SOX5: variants seen among roughly 807,000 people sequenced by gnomAD.
SOX5 encodes SRY-box transcription factor 5.
Under a neutral mutation model 92.0 loss-of-function variants are expected in SOX5, and 9 were observed. The observed-to-expected ratio is 0.10, with a 90% confidence interval of 0.06 to 0.17. The LOEUF (loss-of-function observed/expected upper bound fraction) is 0.17, where lower values mean the gene tolerates loss of function less well. SOX5 is among the 10% of genes least tolerant of loss of function. The pLI, the probability that SOX5 is intolerant of heterozygous loss-of-function variation, is 1.00. For missense variants in SOX5, 642 were observed against 944.5 expected (o/e 0.68, Z 4.20); for synonymous variants, 344 against 336.3 (o/e 1.02, Z -0.25).
intron 1 of SOX5, among the ~76,000 whole-genome samples, chr12:23,898,650 A>G (rs555715664): frequency 9.8e-5 from 15 of 152,342 alleles, no homozygotes; most frequent in Non-Finnish European, 2.2e-4. Flanking sequence ...TTTCTATTTA[A>G]CTGAGTGTGT....
chr12:24,069,379 A>G (rs1941409946), intron 4 of SOX5, among the ~76,000 whole-genome samples: 1 of 152,236 alleles, frequency 6.6e-6, no homozygotes, highest in African/African-American at 2.4e-5. Flanking sequence ...TAAAAGAAAT[A>G]GCTTTTCTTA....
intron 8 of SOX5, among the ~76,000 whole-genome samples, chr12:23,621,269 A>G (rs748059694): frequency 6.6e-6 from 1 of 152,060 alleles, no homozygotes; most frequent in Non-Finnish European, 1.5e-5. Context: ...AGAAAGTAGA[A>G]TAGAGCTTAT....
chr12:23,593,724 A>C (rs1266559242), intron 9 of SOX5, among the ~76,000 whole-genome samples: 1 of 152,132 alleles, frequency 6.6e-6, no homozygotes, highest in African/African-American at 2.4e-5. Flanking sequence ...ATTTAAATAA[A>C]TTTTATAAAA....
At chr12:23,761,805 C>T (rs2094570490) in intron 3 of SOX5, among the ~76,000 whole-genome samples, 1 of 152,030 alleles carries the variant, frequency 6.6e-6, no homozygotes, top group Admixed American at 6.6e-5. Flanking sequence ...GTATTATTAA[C>T]TCGATAATCT....
intron 3 of SOX5, among the ~76,000 whole-genome samples, chr12:23,799,395 T>A (rs1282065725): frequency 2.0e-5 from 3 of 152,080 alleles, no homozygotes; most frequent in Admixed American, 1.3e-4. Flanking sequence ...AAACACTATA[T>A]CCTTTCTCCC....
intron 7 of SOX5, among the ~76,000 whole-genome samples, chr12:23,652,943 G>T (rs11047026): frequency 6.6e-6 from 1 of 151,710 alleles, no homozygotes; most frequent in Non-Finnish European, 1.5e-5. Flanking sequence ...GGCTGAAAAT[G>T]TAACAGGGAA....
intron 4 of SOX5, among the ~76,000 whole-genome samples, chr12:24,072,502 T>C (rs547447031): frequency 2.0e-5 from 3 of 152,192 alleles, no homozygotes; most frequent in Non-Finnish European, 2.9e-5. Flanking sequence ...CATAATAAGC[T>C]CACAGATTTG....
chr12:24,562,017 T>G (rs561903535), intron 1 of SOX5, among the ~76,000 whole-genome samples: 1 of 152,300 alleles, frequency 6.6e-6, no homozygotes, highest in South Asian at 2.1e-4. Flanking sequence ...AAATAGAAAG[T>G]TATCCCGTCT....
chr12:24,070,597 A>C lies in SOX5; in HGVS notation c.-2+142746T>G, dbSNP rs529895666. ...TATTTATTGTTTTTTAAAAAAAAAA[A>C]CTACTGTAAAGGACTGATATTTTAA... is the stretch of plus-strand genomic sequence containing the variant. On this transcript the variant is annotated intron_variant, in intron 4 of 4. Coordinates refer to the SOX5 transcript ENST00000446891. Among the ~76,000 whole-genome samples the C allele has an allele frequency of 2.0e-3, 312 of 152,226 alleles. 2 individuals carry two copies. Among genetic ancestry groups the C allele is most frequent in the Non-Finnish European group, 3.5e-3 (241 of 68,008 alleles).
At chr12:23,747,359 T>C (rs1039588240) in intron 4 of SOX5, among the ~76,000 whole-genome samples, 2 of 152,126 alleles carry the variant, frequency 1.3e-5, no homozygotes, top group Non-Finnish European at 2.9e-5. Context: ...CAAACAAACG[T>C]TCATAGTTAT....
intron 1 of SOX5, among the ~76,000 whole-genome samples, chr12:23,906,751 T>G (rs2097297522): frequency 6.6e-6 from 1 of 152,186 alleles, no homozygotes; most frequent in Non-Finnish European, 1.5e-5. Context: ...AGCCCCATAT[T>G]TAATATAAGT....
At chr12:24,019,829 A>T (rs1318491745) in intron 4 of SOX5, among the ~76,000 whole-genome samples, 1 of 152,194 alleles carries the variant, frequency 6.6e-6, no homozygotes, top group Non-Finnish European at 1.5e-5. Flanking sequence ...ACATCATTTG[A>T]TCTAGATCTG....
At chr12:23,995,805 C>T (rs1950980643) in intron 4 of SOX5, among the ~76,000 whole-genome samples, 1 of 152,138 alleles carries the variant, frequency 6.6e-6, no homozygotes, top group Non-Finnish European at 1.5e-5. Context: ...ATCGTAGTTA[C>T]ATATTATTTA....
intron 3 of SOX5, among the ~76,000 whole-genome samples, chr12:24,245,477 T>C (rs1938501264): frequency 1.3e-5 from 2 of 152,206 alleles, no homozygotes. Context: ...GAAATTAAGC[T>C]GGCAAACTAA....
At chr12:23,578,143 A>AAAATAAAAAC in intron 9 of SOX5, among the ~76,000 whole-genome samples, 1 of 126,114 alleles carries the variant, frequency 7.9e-6, no homozygotes, top group Non-Finnish European at 1.7e-5. Flanking sequence ...AAAAAAAAAA[A>AAAATAAAAAC]AAAAAAACTA....
At chr12:23,752,665 T>G (rs982755005) in intron 4 of SOX5, among the ~76,000 whole-genome samples, 1 of 151,846 alleles carries the variant, frequency 6.6e-6, no homozygotes, top group Non-Finnish European at 1.5e-5. Flanking sequence ...TATGAGACTC[T>G]AAAAGGTATT....
chr12:24,118,178 G>T (rs1029963218), intron 4 of SOX5, among the ~76,000 whole-genome samples: 1 of 152,074 alleles, frequency 6.6e-6, no homozygotes, highest in Non-Finnish European at 1.5e-5. Context: ...AACTTTTAGT[G>T]ATCTTTTGCA....
chr12:24,081,018 C>G (rs144429132), intron 4 of SOX5, among the ~76,000 whole-genome samples: 1 of 151,922 alleles, frequency 6.6e-6, no homozygotes, highest in Admixed American at 6.6e-5. Context: ...AGCAGTAATA[C>G]GCTTATTAAC....
intron 7 of SOX5, among the ~76,000 whole-genome samples, chr12:23,655,853 T>C (rs541128878): frequency 6.6e-6 from 1 of 152,266 alleles, no homozygotes; most frequent in South Asian, 2.1e-4. Flanking sequence ...TATAAATGTC[T>C]TGAATGGTCA....
Sources: gnomAD v4.1 joint callset for allele counts (sites outside exome capture counted in the v4.1 genomes callset) on GRCh38, gnomAD v4.1.1 for gene constraint, MANE v1.5 for transcripts, NCBI Gene and HGNC (gene_info 2026-07-23, HGNC 2026-07-21) for gene names.